Variants in APCDD1L observed in about 807,000 individuals in gnomAD.
APCDD1L encodes the protein protein APCDD1-like.
APCDD1L carries 21 observed loss-of-function variants against 24.2 expected under a neutral mutation model. The observed-to-expected ratio is 0.87, with a 90% CI of 0.61 to 1.25. APCDD1L has a LOEUF of 1.25. Among genes scored for constraint, APCDD1L ranks in the 50% most tolerant of loss-of-function variants. APCDD1L has a pLI of 0.00. For missense variants in APCDD1L, 704 were observed against 711.7 expected (o/e 0.99, Z 0.12); for synonymous variants, 321 against 323.6 (o/e 0.99, Z 0.09).
intron 2 of APCDD1L, among the ~76,000 whole-genome samples, chr20:58,468,870 A>T (rs1374417407): frequency 6.6e-6 from 1 of 152,038 alleles, no homozygotes; most frequent in African/African-American, 2.4e-5. Context: ...CATTTTCTTG[A>T]TATTTTTTTG....
chr20:58,500,071 T>C (rs1003749306), intron 1 of APCDD1L, among the ~76,000 whole-genome samples: 1 of 151,958 alleles, frequency 6.6e-6, no homozygotes, highest in Non-Finnish European at 1.5e-5. Context: ...AATTCCAAAG[T>C]GCTCTACACT....
intron 3 of APCDD1L, among the ~76,000 whole-genome samples, chr20:58,463,893 TTG>T (rs142630668): frequency 0.1 from 5,813 of 56,386 alleles, 394 homozygotes; most frequent in East Asian, 0.52. Flanking sequence ...CAGTTTTTTT[TTG>T]GGGGGGGGGG....
intron 1 of APCDD1L, among the ~76,000 whole-genome samples, chr20:58,510,865 G>A (rs1990614042): frequency 1.3e-5 from 2 of 152,112 alleles, no homozygotes; most frequent in Non-Finnish European, 1.5e-5. Context: ...TGCTCTCATG[G>A]GGAAGAAAAT....
chr20:58,507,485 C>T (rs1192580493), intron 1 of APCDD1L, among the ~76,000 whole-genome samples: 1 of 151,974 alleles, frequency 6.6e-6, no homozygotes, highest in South Asian at 2.1e-4. Context: ...TGACTCTTTC[C>T]CTTCCTCTCC....
At chr20:58,499,375 C>T (rs1990387737) in intron 1 of APCDD1L, among the ~76,000 whole-genome samples, 1 of 152,206 alleles carries the variant, frequency 6.6e-6, no homozygotes, top group Non-Finnish European at 1.5e-5. Context: ...CAAGGGAAGC[C>T]TGCAGCATCC....
intron 1 of APCDD1L, among the ~76,000 whole-genome samples, chr20:58,471,432 C>G (rs1462564293): frequency 6.6e-6 from 1 of 152,246 alleles, no homozygotes. Flanking sequence ...TGCCCTTCTT[C>G]AGGGCTCCGT....
Position 58,514,815 on chromosome 20 carries a change from T to G in APCDD1L, c.-108A>C. The G allele has an allele frequency of 1.1e-6, 1 of 917,788 alleles. No homozygotes were observed. Among genetic ancestry groups the G allele is most frequent in the Non-Finnish European group, 1.4e-6 (1 of 691,538 alleles). 56.9% of individuals were successfully genotyped at this position (917,788 alleles called of 1,614,324 possible). A position where few individuals can be genotyped will look rare whatever the true frequency, so the allele number is the denominator to read the frequency against. ...GCGGGCGCCGGCGGCCAGGCTGGAG[T>G]CCTGCGAAGAAGTTGCGAGGGTCCT... is the stretch of plus-strand genomic sequence containing the variant. On this transcript the variant is annotated 5_prime_UTR_variant, in exon 1 of 4. Transcript: ENST00000371149.
chr20:58,482,042 C>T (rs1990034755), intron 1 of APCDD1L, among the ~76,000 whole-genome samples: 1 of 152,188 alleles, frequency 6.6e-6, no homozygotes, highest in Non-Finnish European at 1.5e-5. Context: ...GGCCTCTCCC[C>T]AAAGACACAT....
At chr20:58,488,717 A>G (rs2123166229) in intron 1 of APCDD1L, among the ~76,000 whole-genome samples, 1 of 152,380 alleles carries the variant, frequency 6.6e-6, no homozygotes, top group Non-Finnish European at 1.5e-5. Context: ...TGGAATGCAG[A>G]TAAATCAATA....
intron 3 of APCDD1L, among the ~76,000 whole-genome samples, chr20:58,462,699 C>G (rs1162523495): frequency 6.6e-6 from 1 of 152,022 alleles, no homozygotes; most frequent in Non-Finnish European, 1.5e-5. Context: ...CAAAAATTAG[C>G]CTGGTGTGGT....
At chr20:58,484,936 G>A (rs531721904) in intron 1 of APCDD1L, among the ~76,000 whole-genome samples, 3 of 146,404 alleles carry the variant, frequency 2.0e-5, no homozygotes, top group Admixed American at 7.0e-5. Flanking sequence ...GTTTCATGCC[G>A]ATCTCTGCTA....
chr20:58,486,966 A>G (rs980490957), intron 1 of APCDD1L, among the ~76,000 whole-genome samples: 4 of 147,978 alleles, frequency 2.7e-5, no homozygotes, highest in African/African-American at 7.5e-5. Context: ...GGTTCAAGCA[A>G]TTCTCCTGCC....
chr20:58,467,379 C>G lies in APCDD1L; in HGVS notation c.468G>C (p.Arg156=). The G allele has an allele frequency of 6.7e-7, 1 of 1,502,242 alleles. No individual in the cohort carries two copies. The highest frequency in any genetic ancestry group is 8.8e-7 in the Non-Finnish European group (1 of 1,130,238). 93.1% of individuals were successfully genotyped at this position (1,502,242 alleles called of 1,614,324 possible). ...TGRLNQTRAG[R]DCARRLPPAR... The stretch of plus-strand genomic sequence containing the variant: ...CCGGAGGCAGCCGCCGCGCGCAGTC[C>G]CGGCCGGCGCGGGTCTGGTTGAGGC... The change falls in exon 3 of 4, where the codon CGG becomes CGC. Residue 156 remains arginine, a synonymous_variant. Transcript: ENST00000371149. The surrounding 1 kb of genome is among the most constrained non-coding windows in gnomAD (Gnocchi z 5.9).
rs1367985519 is a variant in APCDD1L at position 58,459,671 on chromosome 20, A to C, written c.*1119T>G. Reference sequence around the variant, plus strand: ...GGCACAGCCTGTTCCCACCATGATGACAGTCCCCTCTGAGCAGAGGACACC... The same window carrying C: ...GGCACAGCCTGTTCCCACCATGATGCCAGTCCCCTCTGAGCAGAGGACACC... On this transcript the variant is annotated 3_prime_UTR_variant, in exon 4 of 4. Coordinates refer to ENST00000371149, the MANE Select transcript of APCDD1L (RefSeq NM_153360.3). 1.3e-5 allele frequency: 2 copies of C among 152,784 alleles called. No individual in the cohort carries two copies. The highest frequency in any genetic ancestry group is 4.8e-5 in the African/African-American group (2 of 41,410). 9.5% of individuals were successfully genotyped at this position (152,784 alleles called of 1,614,324 possible).
chr20:58,480,332 G>A (rs1349856453), intron 1 of APCDD1L, among the ~76,000 whole-genome samples: 1 of 152,196 alleles, frequency 6.6e-6, no homozygotes, highest in Non-Finnish European at 1.5e-5. Context: ...AGGGGTACCT[G>A]GCAGAGCAGG....
chr20:58,503,284 G>GTA (rs1990476489), intron 1 of APCDD1L, among the ~76,000 whole-genome samples: 2 of 152,188 alleles, frequency 1.3e-5, no homozygotes, highest in South Asian at 4.1e-4. Context: ...CATCATAAAA[G>GTA]CCCAGGTACT....
Position 58,467,165 on chromosome 20 carries a change from G to A in APCDD1L, c.682C>T (p.Pro228Ser), listed in dbSNP as rs1385140552. The change falls in exon 3 of 4, where the codon CCG (proline) becomes TCG (serine). Residue 228 changes from proline to serine, a missense_variant. By Grantham distance (74) the Pro-to-Ser change is moderately conservative. Transcript: ENST00000371149. The surrounding 1 kb of genome is among the most constrained non-coding windows in gnomAD (Gnocchi z 5.9). ...ELYLGDIHTD[P>S]AERRHYRPTG... ...GGCCGGTAGTGCCGCCTCTCCGCCG[G>A]GTCGGTGTGGATGTCCCCCAGGTAC... 6.2e-7 allele frequency: 1 copy of A among 1,607,700 alleles called. No homozygotes were observed. The highest frequency in any genetic ancestry group is 8.5e-7 in the Non-Finnish European group (1 of 1,179,522).
At chr20:58,469,832 A>T (rs1378673371) in intron 2 of APCDD1L, among the ~76,000 whole-genome samples, 3 of 152,198 alleles carry the variant, frequency 2.0e-5, no homozygotes, top group Admixed American at 1.3e-4. Context: ...CCAGAATGGG[A>T]CTGGCCTGGA....
At chr20:58,476,848 A>G (rs1201433404) in intron 1 of APCDD1L, among the ~76,000 whole-genome samples, 1 of 152,118 alleles carries the variant, frequency 6.6e-6, no homozygotes, top group African/African-American at 2.4e-5. Context: ...CCTTGAGGCT[A>G]TTGCCTGTGC....
Sources: allele counts gnomAD v4.1 joint callset (sites outside exome capture counted in the v4.1 genomes callset), GRCh38; gene constraint gnomAD v4.1.1; non-coding constraint Gnocchi (gnomAD v3.1); transcripts MANE v1.5; gene names NCBI Gene and HGNC (gene_info 2026-07-23, HGNC 2026-07-21).